CREM: variants seen among roughly 807,000 people sequenced by gnomAD.
CREM encodes the protein cAMP responsive element modulator, also known as cAMP-responsive element modulator.
A neutral mutation model predicts 37.3 loss-of-function variants in CREM; 13 were observed. The observed-to-expected ratio is 0.35, with a 90% CI of 0.23 to 0.55. CREM has a LOEUF of 0.55. Ranked by LOEUF, CREM falls within the 20% of genes least tolerant of loss-of-function variation. CREM has a pLI of 0.88. For synonymous variants in CREM, 124 were observed against 120.2 expected (o/e 1.03, Z -0.21); for missense variants, 296 against 362.3 (o/e 0.82, Z 1.49).
chr10:35,142,149 G>A (rs1427077594), intron 2 of CREM, among the ~76,000 whole-genome samples: 1 of 152,150 alleles, frequency 6.6e-6, no homozygotes, highest in East Asian at 1.9e-4. Context: ...AGTGAGAAGG[G>A]GAAGAGAGGT....
chr10:35,183,739 A>G (rs1353022852), intron 5 of CREM, among the ~76,000 whole-genome samples: 1 of 152,256 alleles, frequency 6.6e-6, no homozygotes, highest in East Asian at 1.9e-4. Context: ...TTACATGTGT[A>G]TGTATTTTAA....
At chr10:35,200,051 G>A (rs1051474914) in intron 6 of CREM, among the ~76,000 whole-genome samples, 1 of 151,570 alleles carries the variant, frequency 6.6e-6, no homozygotes, top group African/African-American at 2.4e-5. Context: ...CAACACACCC[G>A]GCTAATTTTG....
At chr10:35,185,227 C>T (rs1304698886) in intron 5 of CREM, among the ~76,000 whole-genome samples, 1 of 151,950 alleles carries the variant, frequency 6.6e-6, no homozygotes, top group East Asian at 1.9e-4. Flanking sequence ...CTCAGCCTCC[C>T]GAGGAGCTGG....
chr10:35,143,378 G>A (rs2091695614), intron 2 of CREM, among the ~76,000 whole-genome samples: 1 of 150,458 alleles, frequency 6.6e-6, no homozygotes, highest in Non-Finnish European at 1.5e-5. Context: ...TCAGTGTGTT[G>A]GAATAACAAG....
intron 3 of CREM, among the ~76,000 whole-genome samples, chr10:35,149,889 AACACACACACACACACACACACACAC>A (rs55971717): frequency 6.3e-5 from 7 of 111,922 alleles, no homozygotes; most frequent in African/African-American, 2.0e-4. Flanking sequence ...CTTTTGCTTA[AACACACACACACACACACACACACAC>A]ACACACACAC....
intron 3 of CREM, among the ~76,000 whole-genome samples, chr10:35,158,866 A>G (rs1405909456): frequency 3.0e-5 from 4 of 132,532 alleles, no homozygotes; most frequent in African/African-American, 8.7e-5. Flanking sequence ...TAAAGATTTC[A>G]TGTTTCTTAG....
intron 6 of CREM, among the ~76,000 whole-genome samples, chr10:35,192,449 A>G (rs907595461): frequency 1.3e-5 from 2 of 152,090 alleles, no homozygotes; most frequent in Admixed American, 6.5e-5. Flanking sequence ...CCTGGGCTCA[A>G]GCATTTCTCC....
chr10:35,151,656 G>C (rs571488393), intron 3 of CREM, among the ~76,000 whole-genome samples: 1 of 152,222 alleles, frequency 6.6e-6, no homozygotes, highest in Non-Finnish European at 1.5e-5. Flanking sequence ...TTACTGGTGT[G>C]AGCCACTGCA....
At chr10:35,179,055 C>A in intron 4 of CREM, 69 bp downstream of exon 4, 2 of 1,532,152 alleles carry the variant, frequency 1.3e-6, no homozygotes, top group South Asian at 1.2e-5. Context: ...TACATCAAAT[C>A]AATTCTTCCT....
At position 35,146,690 on chromosome 10, in the gene CREM, C is replaced by T. The variant is rs141149473; in HGVS notation, c.45-1678C>T. Among the ~76,000 whole-genome samples the T allele has an allele frequency of 6.0e-3, 917 of 152,150 alleles. 11 individuals carry two copies. The highest frequency in any genetic ancestry group is 0.021 in the African/African-American group (868 of 41,502). ...GAAAGACATTTTTCTATGGTAGGCT[C>T]GACGTTTGTATTTTGGTATAATTGC... On this transcript the variant is annotated intron_variant, in intron 2 of 7. Coordinates refer to ENST00000685392, the MANE Select transcript of CREM (RefSeq NM_183011.2).
chr10:35,135,665 G>C (rs979239347), intron 1 of CREM, among the ~76,000 whole-genome samples: 5 of 144,044 alleles, frequency 3.5e-5, no homozygotes, highest in African/African-American at 5.2e-5. Context: ...TATGGTGGGA[G>C]GATTGCTTGA....
At chr10:35,158,634 T>G (rs2093063699) in intron 3 of CREM, 2 of 156,118 alleles carry the variant, frequency 1.3e-5, no homozygotes, top group African/African-American at 4.8e-5. Flanking sequence ...GCTGCATAAA[T>G]GGGTAGGAGA....
intron 6 of CREM, chr10:35,201,427 A>T: frequency 1.9e-6 from 3 of 1,551,008 alleles, no homozygotes; most frequent in Non-Finnish European, 2.6e-6. Flanking sequence ...GTATTAAATG[A>T]GATACTGTAT....
chr10:35,185,457 T>G (rs908146460), intron 5 of CREM, among the ~76,000 whole-genome samples: 1 of 152,160 alleles, frequency 6.6e-6, no homozygotes, highest in Non-Finnish European at 1.5e-5. Flanking sequence ...CTGCTCTTTC[T>G]AAAGCACTAT....
chr10:35,166,325 G>A (rs2093552828), intron 3 of CREM, among the ~76,000 whole-genome samples: 1 of 152,152 alleles, frequency 6.6e-6, no homozygotes, highest in Non-Finnish European at 1.5e-5. Context: ...CACTTTGGGA[G>A]GCCAAGGCGG....
chr10:35,191,411 T>A (rs1296073856), intron 6 of CREM, among the ~76,000 whole-genome samples: 1 of 152,164 alleles, frequency 6.6e-6, no homozygotes. Flanking sequence ...TCCCTTCCAA[T>A]CTTTATTCCT....
Position 35,188,336 on chromosome 10 carries a change from A to G in CREM, c.546A>G (p.Ser182=), listed in dbSNP as rs2094743572. The G allele has an allele frequency of 6.2e-7, 1 of 1,613,870 alleles. No homozygotes were observed. Among genetic ancestry groups the G allele is most frequent in the Non-Finnish European group, 8.5e-7 (1 of 1,179,938 alleles). Residue 182 remains serine, a synonymous_variant, in exon 6 of 8, where the codon TCA becomes TCG. Transcript: ENST00000685392. The stretch of plus-strand genomic sequence containing the variant: ...CAATTGTACAGTACGCAGCACAATC[A>G]GCTGATGGCACACAGCAGTTCTTTG... ...GATIVQYAAQ[S]ADGTQQFFVP...
Position 35,148,402 on chromosome 10 carries a change from G to A in CREM, c.79G>A (p.Asp27Asn), listed in dbSNP as rs1339393863. ...CATGGAAACAGTTGAATCCCAGCAT[G>A]ATGGAAGTATAACAGCTTCTTTGAC... The part of the protein sequence containing the change: ...MTMETVESQH[D>N]GSITASLTES... Residue 27 changes from aspartate to asparagine, a missense_variant, in exon 3 of 8, where the codon GAT becomes AAT. Physicochemically the swap from Asp to Asn is conservative, Grantham distance 23. Around this residue, in one of 2 missense-constraint regions of CREM, gnomAD observed 257 missense variants for 280.2 expected, o/e 0.92. Transcript: ENST00000685392. The A allele has an allele frequency of 6.2e-7, 1 of 1,613,154 alleles. No homozygotes were observed. Among genetic ancestry groups the A allele is most frequent in the East Asian group, 2.2e-5 (1 of 44,810 alleles).
chr10:35,198,996 A>G (rs985961045), intron 6 of CREM, among the ~76,000 whole-genome samples: 5 of 151,856 alleles, frequency 3.3e-5, no homozygotes, highest in African/African-American at 1.2e-4. Flanking sequence ...CAAAAATACA[A>G]AAATTAGCCG....
Sources: gnomAD v4.1 joint callset for allele counts (sites outside exome capture counted in the v4.1 genomes callset) on GRCh38, gnomAD v4.1.1 for gene constraint, gnomAD v4.1.1 regional missense constraint, MANE v1.5 for transcripts, NCBI Gene and HGNC (gene_info 2026-07-23, HGNC 2026-07-21) for gene names.